Variants in SORCS2 observed in about 807,000 individuals in gnomAD.
SORCS2 encodes the protein VPS10 domain-containing receptor SorCS2.
A neutral mutation model predicts 141.6 loss-of-function variants in SORCS2; 100 were observed. The ratio of observed to expected loss-of-function variants is 0.71; its 90% CI spans 0.60 to 0.83. The LOEUF (loss-of-function observed/expected upper bound fraction) is 0.83, where lower values mean the gene tolerates loss of function less well. SORCS2 is among the 40% of genes least tolerant of loss of function. SORCS2 has a pLI of 0.00. For missense variants in SORCS2, 1,646 were observed against 1,560.2 expected (o/e 1.05, Z -0.93); for synonymous variants, 789 against 676.9 (o/e 1.17, Z -2.57).
At chr4:7,324,955 G>A (rs1321796913) in intron 1 of SORCS2, among the ~76,000 whole-genome samples, 1 of 152,234 alleles carries the variant, frequency 6.6e-6, no homozygotes, top group East Asian at 1.9e-4. Context: ...CTCTGGCTCT[G>A]CTGAGCGCCC....
At chr4:7,397,519 C>T (rs1352162438) in intron 2 of SORCS2, among the ~76,000 whole-genome samples, 1 of 152,122 alleles carries the variant, frequency 6.6e-6, no homozygotes, top group East Asian at 1.9e-4. Context: ...TCGTCACCAC[C>T]AGAAAACGGG....
intron 1 of SORCS2, among the ~76,000 whole-genome samples, chr4:7,360,402 C>A (rs1169076893): frequency 6.6e-6 from 1 of 151,780 alleles, no homozygotes; most frequent in Non-Finnish European, 1.5e-5. Flanking sequence ...TTTGCCACAC[C>A]CCAGCAGGTC....
Position 7,621,166 on chromosome 4 carries a change from G to T in SORCS2, c.649-17162G>T, listed in dbSNP as rs75025470. ...GGGCAGTGTGACCAGGCCCAGCGGA[G>T]ATGTGGCAGCCCGCCCAGCCCTGAG... On this transcript the variant is annotated intron_variant, in intron 3 of 26. Coordinates refer to ENST00000507866, the MANE Select transcript of SORCS2 (RefSeq NM_020777.3). Among the ~76,000 whole-genome samples the T allele has an allele frequency of 4.1e-3, 619 of 152,332 alleles. 3 individuals carry two copies. Among genetic ancestry groups the T allele is most frequent in the African/African-American group, 0.014 (601 of 41,576 alleles).
At chr4:7,567,340 G>A (rs1386040745) in intron 3 of SORCS2, among the ~76,000 whole-genome samples, 3 of 152,072 alleles carry the variant, frequency 2.0e-5, no homozygotes, top group Non-Finnish European at 4.4e-5. Flanking sequence ...CACGTTACAT[G>A]TAGTCATTAT....
chr4:7,405,333 G>A (rs1309621816), intron 2 of SORCS2, among the ~76,000 whole-genome samples: 1 of 152,004 alleles, frequency 6.6e-6, no homozygotes, highest in Non-Finnish European at 1.5e-5. Flanking sequence ...CTTTTGCTAT[G>A]TGGGCTCTTT....
intron 2 of SORCS2, among the ~76,000 whole-genome samples, chr4:7,507,543 AAAC>A (rs1315092852): frequency 1.3e-5 from 2 of 152,242 alleles, no homozygotes; most frequent in African/African-American, 4.8e-5. Context: ...AAAAATAGAA[AAAC>A]CAAAGAAAGA....
chr4:7,416,530 TCACA>T (rs774224525), intron 2 of SORCS2, among the ~76,000 whole-genome samples: 4 of 151,822 alleles, frequency 2.6e-5, no homozygotes, highest in Admixed American at 6.6e-5. Context: ...ACTGACACAC[TCACA>T]CACGCCCACA....
chr4:7,316,238 CCATCCATCCATCCAT>C (rs1718544465), intron 1 of SORCS2, among the ~76,000 whole-genome samples: 4 of 152,128 alleles, frequency 2.6e-5, no homozygotes, highest in Non-Finnish European at 5.9e-5. Context: ...ATCCATCCAT[CCATCCATCCATCCAT>C]GCATCCATTC....
At chr4:7,516,582 C>T (rs1045596391) in intron 2 of SORCS2, among the ~76,000 whole-genome samples, 2 of 151,948 alleles carry the variant, frequency 1.3e-5, no homozygotes, top group African/African-American at 4.8e-5. Flanking sequence ...GGGGTGGGGG[C>T]GGTGCTGCTT....
intron 3 of SORCS2, among the ~76,000 whole-genome samples, chr4:7,626,997 A>T (rs957219464): frequency 6.6e-6 from 1 of 151,844 alleles, no homozygotes; most frequent in Non-Finnish European, 1.5e-5. Flanking sequence ...ATTTTGTTTT[A>T]TTTTTTGAGA....
intron 1 of SORCS2, among the ~76,000 whole-genome samples, chr4:7,293,768 G>A (rs1716768121): frequency 6.6e-6 from 1 of 152,160 alleles, no homozygotes; most frequent in African/African-American, 2.4e-5. Flanking sequence ...GCAGCTGCCT[G>A]GGGGAGCCTA....
intron 3 of SORCS2, among the ~76,000 whole-genome samples, chr4:7,542,413 G>A (rs1210405747): frequency 1.3e-5 from 2 of 152,260 alleles, no homozygotes; most frequent in East Asian, 3.9e-4. Flanking sequence ...AAAACGAGAA[G>A]AGACTCAGAG....
At chr4:7,700,875 C>T (rs139995857) in intron 12 of SORCS2, among the ~76,000 whole-genome samples, 363 of 152,324 alleles carry the variant, frequency 2.4e-3, no homozygotes, top group Non-Finnish European at 3.4e-3. Flanking sequence ...ACAGAGTCCC[C>T]GTGGAAGGGG....
intron 10 of SORCS2, among the ~76,000 whole-genome samples, chr4:7,683,526 T>G (rs1385874335): frequency 1.3e-5 from 2 of 152,230 alleles, no homozygotes; most frequent in Non-Finnish European, 2.9e-5. Context: ...ATTCTCATGG[T>G]GATACCAGAA....
chr4:7,650,167 G>T (rs778378337), intron 4 of SORCS2, among the ~76,000 whole-genome samples: 12 of 152,198 alleles, frequency 7.9e-5, no homozygotes, highest in Non-Finnish European at 1.8e-4. Context: ...TCAAGTGCAG[G>T]TCTGACAGGG....
In SORCS2 at chr4:7,663,698, AG is replaced by A. The variant is rs1289392628; in HGVS notation, c.953-653del. Among the ~76,000 whole-genome samples, 1 of 152,116 alleles carries A rather than the reference AG, an allele frequency of 6.6e-6. No homozygotes were observed. The highest frequency in any genetic ancestry group is 1.5e-5 in the Non-Finnish European group (1 of 68,034). On this transcript the variant is annotated intron_variant, in intron 6 of 26. Coordinates refer to ENST00000507866, the MANE Select transcript of SORCS2 (RefSeq NM_020777.3). This position sits in a 1 kb window ranked among gnomAD's most constrained non-coding sequence, Gnocchi z 4.8. ...ATTCTCCATGCTGCCGGGTCACCCA[AG>A]GCTGGGGGCAGGAGGAGGAGGAAAA...
Position 7,723,849 on chromosome 4 carries a change from C to A in SORCS2, c.2577C>A (p.Gly859=). ...CCGTCAGGGCAGAGAACACGGCAGGCCACGATGAGGCGGTGCTCTTTGTCC... is the reference window on the plus strand; with the variant it reads ...CCGTCAGGGCAGAGAACACGGCAGGACACGATGAGGCGGTGCTCTTTGTCC... ...RVSVRAENTA[G]HDEAVLFVQV... Residue 859 remains glycine, a synonymous_variant, in exon 19 of 27, where the codon GGC becomes GGA. Transcript: ENST00000507866. The A allele has an allele frequency of 6.2e-7, 1 of 1,611,460 alleles. No homozygotes were observed. Among genetic ancestry groups the A allele is most frequent in the Non-Finnish European group, 8.5e-7 (1 of 1,179,766 alleles).
At chr4:7,467,012 C>A (rs1397011508) in intron 2 of SORCS2, among the ~76,000 whole-genome samples, 1 of 152,108 alleles carries the variant, frequency 6.6e-6, no homozygotes, top group Non-Finnish European at 1.5e-5. Flanking sequence ...TGGCTTGGAG[C>A]ACACAGCCCA....
intron 1 of SORCS2, among the ~76,000 whole-genome samples, chr4:7,218,007 G>C (rs1181473107): frequency 6.6e-6 from 1 of 152,098 alleles, no homozygotes; most frequent in African/African-American, 2.4e-5. Flanking sequence ...CACCTCTGTG[G>C]CCGGGCTTCC....
Sources: allele counts gnomAD v4.1 joint callset (sites outside exome capture counted in the v4.1 genomes callset), GRCh38; gene constraint gnomAD v4.1.1; non-coding constraint Gnocchi (gnomAD v3.1); transcripts MANE v1.5; gene names NCBI Gene and HGNC (gene_info 2026-07-23, HGNC 2026-07-21).